The following MICU1 variants were observed in gnomAD, a reference collection of about 807,000 sequenced individuals.
MICU1 encodes the protein calcium uptake protein 1, mitochondrial.
A neutral mutation model predicts 56.8 loss-of-function variants in MICU1; 45 were observed. The observed-to-expected ratio is 0.79, with a 90% CI of 0.62 to 1.02. The LOEUF is 1.02. Among genes scored for constraint, MICU1 ranks in the 50% least tolerant of loss-of-function variants. The pLI, the probability that MICU1 is intolerant of heterozygous loss-of-function variation, is 0.00. For missense variants in MICU1, 504 were observed against 587.1 expected, an observed-to-expected ratio of 0.86 and a Z score of 1.46; for synonymous variants, 186 against 195.1, an observed-to-expected ratio of 0.95 and a Z score of 0.39.
intron 4 of MICU1, among the ~76,000 whole-genome samples, chr10:72,540,216 G>A (rs532176723): frequency 1.0e-4 from 15 of 147,066 alleles, no homozygotes; most frequent in East Asian, 4.0e-4. Context: ...GCAGTGAGCC[G>A]AGATTGTGCC....
intron 8 of MICU1, among the ~76,000 whole-genome samples, chr10:72,460,451 T>C (rs991614980): frequency 3.9e-5 from 6 of 152,078 alleles, no homozygotes; most frequent in Admixed American, 6.6e-5. Flanking sequence ...GTGTGGTAGA[T>C]TGATACAAAA....
At chr10:72,608,012 G>A (rs1197590426) in intron 1 of MICU1, among the ~76,000 whole-genome samples, 1 of 152,038 alleles carries the variant, frequency 6.6e-6, no homozygotes, top group Admixed American at 6.6e-5. Flanking sequence ...AGTAAAGAGA[G>A]GAAGAAAATT....
At chr10:72,581,542 C>A (rs1483955760) in intron 1 of MICU1, among the ~76,000 whole-genome samples, 1 of 152,074 alleles carries the variant, frequency 6.6e-6, no homozygotes, top group Non-Finnish European at 1.5e-5. Context: ...GCAGGAGAAT[C>A]GCTTGAACTT....
chr10:72,562,452 C>T (rs1840324716), intron 3 of MICU1, among the ~76,000 whole-genome samples: 1 of 152,086 alleles, frequency 6.6e-6, no homozygotes, highest in Admixed American at 6.6e-5. Context: ...CCATGCGGGG[C>T]CTAATTACAT....
chr10:72,403,623 C>T (rs1863530071), intron 10 of MICU1, among the ~76,000 whole-genome samples: 1 of 132,308 alleles, frequency 7.6e-6, no homozygotes, highest in Non-Finnish European at 1.6e-5. Flanking sequence ...ATATTACATA[C>T]CAAAATTGTG....
chr10:72,587,000 A>G (rs918865191), intron 1 of MICU1, among the ~76,000 whole-genome samples: 1 of 152,202 alleles, frequency 6.6e-6, no homozygotes, highest in African/African-American at 2.4e-5. Flanking sequence ...AAAGAGAAAA[A>G]GCACCAAATC....
At chr10:72,412,222 A>G (rs1020279132) in intron 9 of MICU1, among the ~76,000 whole-genome samples, 1 of 152,248 alleles carries the variant, frequency 6.6e-6, no homozygotes, top group Non-Finnish European at 1.5e-5. Context: ...GGCTGGAAAG[A>G]TGGAAAGAGA....
chr10:72,466,036 T>G (rs1195428624), intron 8 of MICU1, among the ~76,000 whole-genome samples: 1 of 152,194 alleles, frequency 6.6e-6, no homozygotes, highest in Non-Finnish European at 1.5e-5. Flanking sequence ...TTGAGAACTT[T>G]CAACCTTTTA....
intron 6 of MICU1, among the ~76,000 whole-genome samples, chr10:72,485,784 G>A (rs190404322): frequency 5.3e-5 from 8 of 152,092 alleles, no homozygotes; most frequent in Non-Finnish European, 8.8e-5. Flanking sequence ...TGTAAAAACT[G>A]AGTGGGGAGA....
rs143464093 is a variant in MICU1 at position 72,571,424 on chromosome 10, T to C, written c.-1-4630A>G. 2.0e-5 allele frequency among the ~76,000 whole-genome samples: 3 copies of C among 152,196 alleles called. No individual in the cohort carries two copies. The East Asian group carries it at 5.8e-4, about 29-fold the overall frequency. Reference sequence around the variant, plus strand: ...AAGCCTGGAAGATAAATTTACAACATCTGATCAGATGTAGAGAACAGCTAG... The same window carrying C: ...AAGCCTGGAAGATAAATTTACAACACCTGATCAGATGTAGAGAACAGCTAG... On this transcript the variant is annotated intron_variant, in intron 1 of 11. Transcript: ENST00000361114.
intron 8 of MICU1, among the ~76,000 whole-genome samples, chr10:72,445,531 T>C (rs894739257): frequency 6.6e-6 from 1 of 152,212 alleles, no homozygotes; most frequent in Non-Finnish European, 1.5e-5. Flanking sequence ...CTTCACTCAC[T>C]AAAATTCTAG....
At chr10:72,483,515 A>T in intron 6 of MICU1, 1 of 152,832 alleles carries the variant, frequency 6.5e-6, no homozygotes. Context: ...GGAACACGAG[A>T]TCAACCACAT....
chr10:72,423,454 T>C, intron 8 of MICU1, 83 bp from the exon 9 acceptor site: 6 of 1,461,738 alleles, frequency 4.1e-6, no homozygotes, highest in Admixed American at 2.3e-5. Context: ...CTGTGTTTGA[T>C]GGCAGAAAAT....
intron 1 of MICU1, among the ~76,000 whole-genome samples, chr10:72,604,095 A>G (rs1020879811): frequency 6.6e-6 from 1 of 152,112 alleles, no homozygotes; most frequent in Non-Finnish European, 1.5e-5. Flanking sequence ...CTGCTAACGG[A>G]AGTCTCTTCC....
At chr10:72,373,852 T>A (rs906815141) in intron 11 of MICU1, among the ~76,000 whole-genome samples, 2 of 152,218 alleles carry the variant, frequency 1.3e-5, no homozygotes, top group African/African-American at 4.8e-5. Context: ...AGTTAATATA[T>A]GTCTACAGCA....
At chr10:72,513,351 T>C (rs1867543876) in intron 5 of MICU1, among the ~76,000 whole-genome samples, 1 of 152,240 alleles carries the variant, frequency 6.6e-6, no homozygotes, top group African/African-American at 2.4e-5. Flanking sequence ...CATCTGTATA[T>C]CTTCTTTGGA....
At chr10:72,516,172 C>T (rs1161869172) in intron 5 of MICU1, among the ~76,000 whole-genome samples, 2 of 152,134 alleles carry the variant, frequency 1.3e-5, no homozygotes, top group Non-Finnish European at 2.9e-5. Flanking sequence ...TTTTGATTTG[C>T]ATTTCTCTAA....
chr10:72,434,056 CT>C lies in MICU1; in HGVS notation c.934-10686del, dbSNP rs974523853. ...TCTTGAGTAAATCCAGTTCACTTAA[CT>C]TTTTTTTTTTTAACCAGCTTAAATG... is the stretch of plus-strand genomic sequence containing the variant. On this transcript the variant is annotated intron_variant, in intron 8 of 11. Coordinates refer to ENST00000361114, the MANE Select transcript of MICU1 (RefSeq NM_001195518.2). Among the ~76,000 whole-genome samples, 182 of 145,106 alleles carry C rather than the reference CT, an allele frequency of 1.3e-3. 2 individuals are homozygous for C. The highest frequency in any genetic ancestry group is 3.6e-3 in the Middle Eastern group (1 of 276).
chr10:72,575,082 G>A lies in MICU1; in HGVS notation c.-1-8288C>T, dbSNP rs577907582. On this transcript the variant is annotated intron_variant, in intron 1 of 11. Transcript: ENST00000361114. ...CTTTTCTCTCTCTCTCAATTTTTAC[G>A]GAGATGGGGTCTTGCTGTATTGCTA... Among the ~76,000 whole-genome samples the A allele has an allele frequency of 9.2e-5, 14 of 152,176 alleles. No individual in the cohort carries two copies. In the East Asian group the frequency reaches 2.1e-3, roughly 23 times the overall value.
Sources: gnomAD v4.1 joint callset for allele counts (sites outside exome capture counted in the v4.1 genomes callset) on GRCh38, gnomAD v4.1.1 for gene constraint, MANE v1.5 for transcripts, NCBI Gene and HGNC (gene_info 2026-07-23, HGNC 2026-07-21) for gene names.